Variants in ATP2C2 observed in about 807,000 individuals in gnomAD.
ATP2C2 encodes the protein calcium-transporting ATPase type 2C member 2.
ATP2C2 carries 171 observed loss-of-function variants against 110.8 expected under a neutral mutation model. The observed-to-expected ratio is 1.54, with a 90% CI of 1.36 to 1.75. The LOEUF (loss-of-function observed/expected upper bound fraction) is 1.75. Ranked by LOEUF, ATP2C2 falls within the 40% of genes most tolerant of loss-of-function variation. The probability of loss-of-function intolerance (pLI) is 0.00; values close to 1 mark genes in which losing one functional copy is unlikely to be tolerated. For missense variants in ATP2C2, 1,963 were observed against 1,235.0 expected, an observed-to-expected ratio of 1.59 and a Z score of -8.84; for synonymous variants, 804 against 508.4, an observed-to-expected ratio of 1.58 and a Z score of -7.82.
chr16:84,439,392 A>C (rs770622432), intron 12 of ATP2C2, 35 bp from the exon 13 acceptor site: 5 of 1,575,126 alleles, frequency 3.2e-6, no homozygotes, highest in Non-Finnish European at 2.6e-6. Flanking sequence ...GAGGATGGCA[A>C]CTTCTCTTCT....
intron 1 of ATP2C2, among the ~76,000 whole-genome samples, chr16:84,377,900 C>G (rs1910341250): frequency 6.6e-6 from 1 of 152,204 alleles, no homozygotes; most frequent in African/African-American, 2.4e-5. Flanking sequence ...TGCCCCAAGT[C>G]CTCAGGAGAA....
rs376929341 is a variant in ATP2C2, at chr16:84,461,675, C to G, written c.2482-39C>G. ...CTTTGGTTCAGGATGGAGGTTGTCT[C>G]TTCCCGCCTAACCTCTCACCTTTGT... On this transcript the variant is annotated intron_variant, in intron 24 of 26. Transcript: ENST00000262429. The G allele has an allele frequency of 1.6e-5, 25 of 1,578,952 alleles. No homozygotes were observed. The African/African-American group carries it at 3.0e-4, about 19-fold the overall frequency.
chr16:84,414,971 C>G (rs12448925), intron 6 of ATP2C2, among the ~76,000 whole-genome samples: 100,171 of 151,896 alleles, frequency 0.66, 33,904 homozygotes, highest in Middle Eastern at 0.78. Flanking sequence ...GACGGGCAAG[C>G]GGCGGTGGTG....
intron 1 of ATP2C2, among the ~76,000 whole-genome samples, chr16:84,378,485 G>C (rs1910382091): frequency 6.6e-6 from 1 of 152,166 alleles, no homozygotes; most frequent in East Asian, 1.9e-4. Context: ...AGCTGTGTTG[G>C]GTAACAGATC....
chr16:84,409,509 C>T (rs1239136511), intron 4 of ATP2C2, among the ~76,000 whole-genome samples: 1 of 152,054 alleles, frequency 6.6e-6, no homozygotes, highest in Non-Finnish European at 1.5e-5. Flanking sequence ...CTCCTGAGCA[C>T]ATTTTTTTTT....
At chr16:84,440,289 G>A (rs150138231) in intron 13 of ATP2C2, among the ~76,000 whole-genome samples, 46 of 152,326 alleles carry the variant, frequency 3.0e-4, no homozygotes, top group Middle Eastern at 3.4e-3. Context: ...TGTCCTCTGC[G>A]TGCTTGGCGT....
chr16:84,426,297 C>A (rs951919366), intron 11 of ATP2C2, among the ~76,000 whole-genome samples: 1 of 152,090 alleles, frequency 6.6e-6, no homozygotes, highest in Non-Finnish European at 1.5e-5. Flanking sequence ...GGAACTCACT[C>A]CAGCAAGAAC....
chr16:84,461,956 A>C (rs375390061), intron 25 of ATP2C2, 32 bp from the exon 26 acceptor site: 1 of 1,610,470 alleles, frequency 6.2e-7, no homozygotes, highest in Non-Finnish European at 8.5e-7. Context: ...TGTGGACAGC[A>C]CACAATCCCC....
At chr16:84,376,848 G>A (rs935352344) in intron 1 of ATP2C2, among the ~76,000 whole-genome samples, 2 of 152,206 alleles carry the variant, frequency 1.3e-5, no homozygotes, top group Non-Finnish European at 2.9e-5. Flanking sequence ...TCCTGCACGG[G>A]GATCTCTGTG....
At chr16:84,425,443 G>T (rs1438265844) in intron 10 of ATP2C2, among the ~76,000 whole-genome samples, 3 of 152,188 alleles carry the variant, frequency 2.0e-5, no homozygotes, top group African/African-American at 7.2e-5. Context: ...GCAGCCGACG[G>T]TAAACTTTGG....
At chr16:84,426,502 C>T (rs114103546) in intron 11 of ATP2C2, among the ~76,000 whole-genome samples, 1 of 152,244 alleles carries the variant, frequency 6.6e-6, no homozygotes, top group African/African-American at 2.4e-5. Context: ...ACCCCAGAGC[C>T]AGCCTGCCTC....
At chr16:84,417,263 T>C (rs574950244) in intron 7 of ATP2C2, among the ~76,000 whole-genome samples, 1 of 152,264 alleles carries the variant, frequency 6.6e-6, no homozygotes, top group South Asian at 2.1e-4. Flanking sequence ...GCTGCCGTAC[T>C]GCAGTGTGTG....
chr16:84,421,623 G>A lies in ATP2C2; in HGVS notation c.625-767G>A, dbSNP rs149302508. ...GTTCTGGCCCTGGGAGCCTCACCTC[G>A]GGAGTGAGATGTGTTAAGTCTGGGG... On this transcript the variant is annotated intron_variant, in intron 7 of 26. Transcript: ENST00000262429. Among the ~76,000 whole-genome samples the A allele has an allele frequency of 7.6e-4, 115 of 152,226 alleles. 2 individuals are homozygous for A. The Middle Eastern group carries it at 0.01, about 14-fold the overall frequency.
chr16:84,451,848 A>G, intron 17 of ATP2C2, 73 bp from the exon 18 acceptor site: 2 of 1,433,316 alleles, frequency 1.4e-6, no homozygotes, highest in South Asian at 1.3e-5. Context: ...AAAAACAACA[A>G]CAACAACCAA....
intron 1 of ATP2C2, among the ~76,000 whole-genome samples, chr16:84,397,670 A>AAAAAAAAAAAAAAAAAAAAAAAAAAAC (rs1555553736): frequency 1.4e-5 from 2 of 145,792 alleles, no homozygotes; most frequent in Admixed American, 6.8e-5. Context: ...AAAAAAAAAA[A>AAAAAAAAAAAAAAAAAAAAAAAAAAAC]AAACTTGCTT....
At chr16:84,395,289 T>C (rs1311857845) in intron 1 of ATP2C2, among the ~76,000 whole-genome samples, 1 of 151,904 alleles carries the variant, frequency 6.6e-6, no homozygotes, top group Non-Finnish European at 1.5e-5. Context: ...TCCCCTCCAG[T>C]GTCACTGCAG....
rs977467056 is a variant in ATP2C2, at chr16:84,422,187, C to T, written c.625-203C>T. 2.6e-5 allele frequency among the ~76,000 whole-genome samples: 4 copies of T among 151,998 alleles called. 1 individual carries two copies. Among genetic ancestry groups the T allele is most frequent in the Admixed American group, 2.0e-4 (3 of 15,270 alleles). On this transcript the variant is annotated intron_variant, in intron 7 of 26. Transcript: ENST00000262429. ...AACAACATTAAGCAAAGATATGAGA[C>T]TTTTATGTTTTTAAGAGAGGCCGCT...
chr16:84,424,662 G>A (rs1160752223), intron 10 of ATP2C2, among the ~76,000 whole-genome samples: 1 of 146,924 alleles, frequency 6.8e-6, no homozygotes, highest in East Asian at 2.0e-4. Flanking sequence ...GGACCCCCTA[G>A]AAGGCCCAAG....
At chr16:84,449,030 C>T (rs1910016311) in intron 17 of ATP2C2, among the ~76,000 whole-genome samples, 1 of 152,264 alleles carries the variant, frequency 6.6e-6, no homozygotes, top group African/African-American at 2.4e-5. Flanking sequence ...AAGTTCTTTT[C>T]AGTCAAGGAA....
Sources: allele counts gnomAD v4.1 joint callset (sites outside exome capture counted in the v4.1 genomes callset), GRCh38; gene constraint gnomAD v4.1.1; transcripts MANE v1.5; gene names NCBI Gene and HGNC (gene_info 2026-07-23, HGNC 2026-07-21).